Variants in WDFY3 observed in about 807,000 individuals in gnomAD.
WDFY3 encodes the protein WD repeat and FYVE domain-containing protein 3.
A neutral mutation model predicts 409.6 loss-of-function variants in WDFY3; 66 were observed. The ratio of observed to expected loss-of-function variants is 0.16; its 90% CI spans 0.13 to 0.20. The LOEUF is 0.20. Ranked by LOEUF, WDFY3 falls within the 10% of genes least tolerant of loss-of-function variation. The pLI is 1.00. For synonymous variants in WDFY3, 1,521 were observed against 1,537.1 expected, an observed-to-expected ratio of 0.99 and a Z score of 0.25; for missense variants, 3,031 against 4,298.1, an observed-to-expected ratio of 0.71 and a Z score of 8.24.
intron 7 of WDFY3, among the ~76,000 whole-genome samples, chr4:84,835,577 A>G (rs1756454354): frequency 6.6e-6 from 1 of 152,222 alleles, no homozygotes; most frequent in Non-Finnish European, 1.5e-5. Flanking sequence ...AGTGTTCAAT[A>G]AACATACTGA....
At chr4:84,763,675 T>A (rs1046483314) in intron 32 of WDFY3, among the ~76,000 whole-genome samples, 1 of 151,894 alleles carries the variant, frequency 6.6e-6, no homozygotes, top group Non-Finnish European at 1.5e-5. Flanking sequence ...ATATGTACAC[T>A]TGTTTACATA....
intron 59 of WDFY3, among the ~76,000 whole-genome samples, chr4:84,692,434 A>C (rs1331096610): frequency 2.0e-5 from 3 of 152,174 alleles, no homozygotes; most frequent in Admixed American, 6.5e-5. Flanking sequence ...AACCTACTTG[A>C]AAAAATATTT....
Position 84,671,493 on chromosome 4 carries a change from T to A in WDFY3, c.*1375A>T, listed in dbSNP as rs979609516. The stretch of plus-strand genomic sequence containing the variant: ...TAATTGTTTCATTTTTAATATATAT[T>A]ATATATATATATATATGTACATAAC... On this transcript the variant is annotated 3_prime_UTR_variant, in exon 68 of 68. Coordinates refer to ENST00000295888, the MANE Select transcript of WDFY3 (RefSeq NM_014991.6). 1.1e-4 allele frequency: 15 copies of A among 142,650 alleles called. No individual in the cohort carries two copies. Among genetic ancestry groups the A allele is most frequent in the South Asian group, 2.2e-4 (1 of 4,492 alleles). The allele number at this position is 142,650 out of a possible 1,614,324, so 8.8% of individuals were successfully genotyped here.
chr4:84,921,645 C>CTTTTTT (rs1561081050), intron 2 of WDFY3, among the ~76,000 whole-genome samples: 1 of 112,304 alleles, frequency 8.9e-6, no homozygotes, highest in South Asian at 3.0e-4. Flanking sequence ...CTATTGCTTT[C>CTTTTTT]ATTTTTTTTT....
intron 3 of WDFY3, among the ~76,000 whole-genome samples, chr4:84,889,654 T>C (rs1193638166): frequency 1.3e-5 from 2 of 152,214 alleles, no homozygotes; most frequent in African/African-American, 4.8e-5. Context: ...CCATTCACTA[T>C]CTATGTGACG....
rs1775799583 is a variant in WDFY3 at position 84,966,624 on chromosome 4, G to C, written c.-641C>G. On this transcript the variant is annotated 5_prime_UTR_variant, in exon 1 of 68. Coordinates refer to ENST00000295888, the MANE Select transcript of WDFY3 (RefSeq NM_014991.6). ...AAGTGAGGGGTTGTTGCCGTTTCCC[G>C]CAGCTGTTGGTGGCCATCTTTAATC... Among the ~76,000 whole-genome samples the C allele has an allele frequency of 6.6e-6, 1 of 151,946 alleles. No homozygotes were observed. Among genetic ancestry groups the C allele is most frequent in the Non-Finnish European group, 1.5e-5 (1 of 67,966 alleles).
At chr4:84,893,090 G>C (rs1184180630) in intron 3 of WDFY3, among the ~76,000 whole-genome samples, 1 of 152,250 alleles carries the variant, frequency 6.6e-6, no homozygotes, top group Non-Finnish European at 1.5e-5. Flanking sequence ...GAAGGGGAGA[G>C]TGTTAAGCTC....
rs1297461236 is a variant in WDFY3, at chr4:84,789,886, G to T, written c.3509C>A (p.Ser1170Tyr). 2 of 1,614,026 alleles carry T rather than the reference G, an allele frequency of 1.2e-6. No homozygotes were observed. Among genetic ancestry groups the T allele is most frequent in the South Asian group, 1.1e-5 (1 of 91,062 alleles). ...QNYVDDFSEESSFYEILPCCA... is the reference protein window; with the variant it reads ...QNYVDDFSEEYSFYEILPCCA... ...GCATGGGAGAATTTCATAAAATGAGGACTCTTCACTAAAATCATCAACTGA... is the reference window on the plus strand; with the variant it reads ...GCATGGGAGAATTTCATAAAATGAGTACTCTTCACTAAAATCATCAACTGA... The change falls in exon 22 of 68, where the codon TCC (serine) becomes TAC (tyrosine). Residue 1170 changes from serine to tyrosine, a missense_variant. By Grantham distance (144) the Ser-to-Tyr change is moderately radical. Around this residue, in one of 16 missense-constraint regions of WDFY3, gnomAD observed 1,322 missense variants for 1,697.9 expected, o/e 0.78. Coordinates refer to ENST00000295888, the MANE Select transcript of WDFY3 (RefSeq NM_014991.6).
intron 45 of WDFY3, among the ~76,000 whole-genome samples, chr4:84,725,675 T>C (rs1366007985): frequency 2.6e-5 from 4 of 152,176 alleles, no homozygotes; most frequent in African/African-American, 7.2e-5. Flanking sequence ...AACAAGAATA[T>C]ATAATTTTAA....
At chr4:84,700,021 T>C (rs1337283550) in intron 56 of WDFY3, among the ~76,000 whole-genome samples, 2 of 152,090 alleles carry the variant, frequency 1.3e-5, no homozygotes, top group Non-Finnish European at 2.9e-5. Context: ...TTCATTTTCT[T>C]GGTAACATTC....
intron 6 of WDFY3, among the ~76,000 whole-genome samples, chr4:84,840,340 A>C (rs779385356): frequency 2.6e-5 from 4 of 152,218 alleles, no homozygotes; most frequent in Non-Finnish European, 5.9e-5. Context: ...TATTATCCTA[A>C]AAATGTCAAT....
intron 49 of WDFY3, among the ~76,000 whole-genome samples, chr4:84,715,852 C>T (rs563589251): frequency 4.7e-5 from 7 of 149,524 alleles, no homozygotes; most frequent in African/African-American, 1.5e-4. Flanking sequence ...GATTAAGCTA[C>T]ACAATAAATA....
intron 19 of WDFY3, among the ~76,000 whole-genome samples, chr4:84,795,775 A>C (rs955680888): frequency 1.3e-5 from 2 of 152,192 alleles, no homozygotes; most frequent in East Asian, 1.9e-4. Flanking sequence ...AGGAAAAAAA[A>C]AAAACAAAAC....
In WDFY3 at chr4:84,808,393, GC is replaced by G; in HGVS notation, c.2369del (p.Cys790SerfsTer2). On this transcript the variant is annotated frameshift_variant, in exon 15 of 68. Coordinates refer to ENST00000295888, the MANE Select transcript of WDFY3 (RefSeq NM_014991.6). LOFTEE classifies it high-confidence loss of function. ...AGGGGAGAGAAGACTCACTTGTCAG[GC>G]AAGGAGGGATCTGTTCTGCACGACT... is the stretch of plus-strand genomic sequence containing the variant. Reference protein sequence around the residue: ...FDSRAEQIPPCLTSESSLPSP... With the variant: ...FDSRAEQIPPXLTSESSLPSP... 1 of 1,613,912 alleles carries G rather than the reference GC, an allele frequency of 6.2e-7. No homozygotes were observed. The highest frequency in any genetic ancestry group is 8.5e-7 in the Non-Finnish European group (1 of 1,179,848).
chr4:84,792,452 T>C (rs1292675372), intron 21 of WDFY3, among the ~76,000 whole-genome samples: 1 of 152,208 alleles, frequency 6.6e-6, no homozygotes, highest in Non-Finnish European at 1.5e-5. Flanking sequence ...AGATATTCCT[T>C]ACAAACATTT....
chr4:84,841,400 A>G, intron 5 of WDFY3, 137 bp from the exon 6 acceptor site: 1 of 684,792 alleles, frequency 1.5e-6, no homozygotes, highest in Non-Finnish European at 2.4e-6. Context: ...AAAAACTTTA[A>G]AAATAGCAAT....
Position 84,721,497 on chromosome 4 carries a change from T to C in WDFY3, c.7517A>G (p.Gln2506Arg). 3 of 1,612,968 alleles carry C rather than the reference T, an allele frequency of 1.9e-6. No homozygotes were observed. The highest frequency in any genetic ancestry group is 2.5e-6 in the Non-Finnish European group (3 of 1,180,026). ...GGDEENQEQLQDQIAEGSSIE... is the reference protein window; with the variant it reads ...GGDEENQEQLRDQIAEGSSIE... Reference sequence around the variant, plus strand: ...GGAGCTGCCCTCAGCAATCTGGTCTTGTAGCTGCTCCTGGTTCTCCTCATC... The same window carrying C: ...GGAGCTGCCCTCAGCAATCTGGTCTCGTAGCTGCTCCTGGTTCTCCTCATC... Residue 2506 changes from glutamine (Q) to arginine (R), a missense_variant, in exon 47 of 68, where the codon CAA becomes CGA. Gln to Arg is a conservative substitution (Grantham distance 43). This residue lies in a region of WDFY3 where 127 missense variants were observed against 144.4 expected (regional missense o/e 0.88). Transcript: ENST00000295888.
chr4:84,737,467 C>T lies in WDFY3; in HGVS notation c.6575-101G>A, dbSNP rs188117130. 1.6e-3 allele frequency: 2,027 copies of T among 1,306,398 alleles called. 2 individuals carry two copies. Among genetic ancestry groups the T allele is most frequent in the Non-Finnish European group, 1.8e-3 (1,840 of 996,826 alleles). The allele number at this position is 1,306,398 out of a possible 1,614,324, so 80.9% of individuals were successfully genotyped here. ...TCTTCATGTTTACATGTGGGAATTT[C>T]GACTACAGTATTTAATGTAAAAAAA... On this transcript the variant is annotated intron_variant, in intron 40 of 67. Transcript: ENST00000295888.
rs1299004927 is a variant in WDFY3 at position 84,670,537 on chromosome 4, T to C, written c.*2331A>G. 2 of 152,676 alleles carry C rather than the reference T, an allele frequency of 1.3e-5. No homozygotes were observed. Among genetic ancestry groups the C allele is most frequent in the Admixed American group, 6.5e-5 (1 of 15,284 alleles). The allele number at this position is 152,676 out of a possible 1,614,324, so 9.5% of individuals were successfully genotyped here. ...GGTTTTGGTTTCCACCTTCTAGTTA[T>C]GGAAGTTCTGTTAGAAAGTTAGTAA... On this transcript the variant is annotated 3_prime_UTR_variant, in exon 68 of 68. Transcript: ENST00000295888.
Sources: gnomAD v4.1 joint callset for allele counts (sites outside exome capture counted in the v4.1 genomes callset) on GRCh38, gnomAD v4.1.1 for gene constraint, gnomAD v4.1.1 regional missense constraint, MANE v1.5 for transcripts, NCBI Gene and HGNC (gene_info 2026-07-23, HGNC 2026-07-21) for gene names.